Variants in PUM1 observed in about 807,000 individuals in gnomAD.
The protein encoded by PUM1 is pumilio RNA binding family member 1, also known as pumilio homolog 1.
In PUM1, 13 loss-of-function variants were observed where a neutral mutation model predicts 131.8. That is an observed-to-expected ratio of 0.10 (90% CI 0.06 to 0.16). The LOEUF (loss-of-function observed/expected upper bound fraction) is 0.16. PUM1 is among the 10% of genes least tolerant of loss of function. PUM1 has a pLI of 1.00. For missense variants in PUM1, 961 were observed against 1,512.4 expected (o/e 0.64, Z 6.05); for synonymous variants, 509 against 556.5 (o/e 0.91, Z 1.20).
chr1:31,012,552 TAAA>T lies in PUM1; in HGVS notation c.433-5453_433-5451del, dbSNP rs10666570. ...ATAAAATAAAAAAACTTATGAAAAG[TAAA>T]AAAAAAAAAAAAAAAAAAATTCAGT... On this transcript the variant is annotated intron_variant, in intron 3 of 21. Coordinates refer to ENST00000426105, the MANE Select transcript of PUM1 (RefSeq NM_001020658.2). Among the ~76,000 whole-genome samples, 665 of 119,146 alleles carry T rather than the reference TAAA, an allele frequency of 5.6e-3. 4 individuals carry two copies. Among genetic ancestry groups the T allele is most frequent in the African/African-American group, 0.019 (630 of 32,364 alleles). The allele number at this position is 119,146 out of a possible 152,430, so 78.2% of individuals were successfully genotyped here.
intron 2 of PUM1, among the ~76,000 whole-genome samples, chr1:31,050,123 C>T (rs553348545): frequency 8.5e-5 from 13 of 152,162 alleles, no homozygotes; most frequent in African/African-American, 3.1e-4. Flanking sequence ...GAGCCAATTG[C>T]AACCAGCCGA....
rs569079813 is a variant in PUM1 at position 30,977,222 on chromosome 1, C to T, written c.1355-2420G>A. The stretch of plus-strand genomic sequence containing the variant: ...ATGTGCCTGTGGTTTTGACTATGAC[C>T]CATCACATGAGATCAAGGTCAAGTG... On this transcript the variant is annotated intron_variant, in intron 9 of 21. Transcript: ENST00000426105. Among the ~76,000 whole-genome samples the T allele has an allele frequency of 1.1e-3, 168 of 152,220 alleles. 2 individuals are homozygous for T. The South Asian group carries it at 0.027, about 24-fold the overall frequency.
At chr1:30,955,135 C>T (rs1640101907) in intron 14 of PUM1, among the ~76,000 whole-genome samples, 2 of 151,446 alleles carry the variant, frequency 1.3e-5, no homozygotes, top group Admixed American at 6.6e-5. Flanking sequence ...AGTATAGCAG[C>T]ATAATAAATT....
At chr1:30,978,183 A>C (rs1276284854) in intron 9 of PUM1, among the ~76,000 whole-genome samples, 1 of 152,174 alleles carries the variant, frequency 6.6e-6, no homozygotes, top group East Asian at 1.9e-4. Context: ...CAAGAGGCAG[A>C]GACTGCAGTG....
rs560030696 is a variant in PUM1 at position 30,968,247 on chromosome 1, T to C, written c.1645+107A>G. 4.0e-6 allele frequency: 6 copies of C among 1,496,330 alleles called. No individual in the cohort carries two copies. In the South Asian group the frequency reaches 5.7e-5, roughly 14 times the overall value. The allele number at this position is 1,496,330 out of a possible 1,614,324, so 92.7% of individuals were successfully genotyped here. A position where few individuals can be genotyped will look rare whatever the true frequency, so the allele number is the denominator to read the frequency against. ...ATCATCCTTGCCAGTCCCCAAATCA[T>C]GACAAGCCTAAGCAAGGTGAAAGCA... is the stretch of plus-strand genomic sequence containing the variant. On this transcript the variant is annotated intron_variant, in intron 11 of 21. Transcript: ENST00000426105.
intron 21 of PUM1, among the ~76,000 whole-genome samples, chr1:30,934,231 G>A (rs993056258): frequency 1.4e-4 from 22 of 152,154 alleles, no homozygotes; most frequent in Non-Finnish European, 1.3e-4. Context: ...AGCTCAGGGA[G>A]CATTCTACAT....
intron 1 of PUM1, among the ~76,000 whole-genome samples, chr1:31,063,813 G>C (rs1035316306): frequency 6.6e-6 from 1 of 152,152 alleles, no homozygotes; most frequent in African/African-American, 2.4e-5. Flanking sequence ...TTTACCTAAA[G>C]AGGCAAGGCA....
chr1:30,963,518 C>G (rs894636671), intron 14 of PUM1, among the ~76,000 whole-genome samples: 1 of 152,148 alleles, frequency 6.6e-6, no homozygotes, highest in Non-Finnish European at 1.5e-5. Flanking sequence ...ACTTGAAACT[C>G]GCCTCTTTCA....
At chr1:31,047,157 C>A (rs6425698) in intron 2 of PUM1, among the ~76,000 whole-genome samples, 43,014 of 151,990 alleles carry the variant, frequency 0.28, 6,572 homozygotes, top group Non-Finnish European at 0.34. Context: ...CCATTGCACT[C>A]CAGCCTAGGC....
rs765462918 is a variant in PUM1, at chr1:31,042,661, G to A, written c.364-13797C>T. ...AAAATACAAAATGGACAAGAGCAAA[G>A]CATACTACCTGTAATCTCTCCATGC... is the stretch of plus-strand genomic sequence containing the variant. On this transcript the variant is annotated intron_variant, in intron 2 of 21. Coordinates refer to ENST00000426105, the MANE Select transcript of PUM1 (RefSeq NM_001020658.2). Among the ~76,000 whole-genome samples, 63 of 152,144 alleles carry A rather than the reference G, an allele frequency of 4.1e-4. 1 individual carries two copies. The highest frequency in any genetic ancestry group is 2.0e-3 in the Admixed American group (31 of 15,250).
intron 4 of PUM1, 37 bp downstream of exon 4, chr1:31,006,957 G>A (rs1033126125): frequency 2.0e-6 from 3 of 1,503,098 alleles, no homozygotes; most frequent in South Asian, 1.2e-5. Flanking sequence ...CTCTAAGACA[G>A]GCATAAATCA....
At chr1:30,933,439 TACACACACACACACACACACACACACAC>T (rs58664754) in intron 21 of PUM1, 97 bp from the exon 22 acceptor site, 89 of 363,896 alleles carry the variant, frequency 2.4e-4, no homozygotes, top group Non-Finnish European at 3.9e-4. Flanking sequence ...CACACACACA[TACACACACACACACACACACACACACAC>T]ACACACACAC....
At position 30,936,686 on chromosome 1, in the gene PUM1, A is replaced by G; in HGVS notation, c.3392T>C (p.Ile1131Thr). ...QYANYVVQKM[I>T]DVAEPGQRKI... ...CCGCTGGCCTGGCTCCGCCACGTCA[A>G]TCATCTTCTGGACCACGTAGTTGGC... Residue 1131 changes from isoleucine to threonine, a missense_variant, in exon 21 of 22, where the codon ATT (isoleucine) becomes ACT (threonine). By Grantham distance (89) the Ile-to-Thr change is moderately conservative (BLOSUM62 -1). Around this residue, in one of 4 missense-constraint regions of PUM1, gnomAD observed 178 missense variants for 327.5 expected, o/e 0.54. Transcript: ENST00000426105. 6.2e-7 allele frequency: 1 copy of G among 1,614,128 alleles called. No homozygotes were observed.
intron 1 of PUM1, 142 bp from the exon 2 acceptor site, chr1:31,059,719 G>T (rs1644325933): frequency 2.1e-6 from 2 of 931,408 alleles, no homozygotes; most frequent in Admixed American, 2.9e-5. Context: ...ATTGGGATCA[G>T]AACTCAATAC....
chr1:31,041,372 C>A, intron 2 of PUM1, among the ~76,000 whole-genome samples: 1 of 149,768 alleles, frequency 6.7e-6, no homozygotes, highest in Non-Finnish European at 1.5e-5. Context: ...CCATCACGGC[C>A]AGTCAAAAAG....
At chr1:30,948,385 G>C (rs1335945142) in intron 17 of PUM1, among the ~76,000 whole-genome samples, 1 of 151,934 alleles carries the variant, frequency 6.6e-6, no homozygotes, top group African/African-American at 2.4e-5. Flanking sequence ...AATAATAAAG[G>C]GTAGGAAGCA....
At chr1:31,055,741 A>G (rs1644221422) in intron 2 of PUM1, among the ~76,000 whole-genome samples, 2 of 152,188 alleles carry the variant, frequency 1.3e-5, no homozygotes, top group Admixed American at 1.3e-4. Flanking sequence ...TCAGTGTAAG[A>G]CAGAGGCCTG....
At chr1:30,988,781 G>T (rs547521789) in intron 7 of PUM1, among the ~76,000 whole-genome samples, 2 of 152,250 alleles carry the variant, frequency 1.3e-5, no homozygotes, top group Non-Finnish European at 1.5e-5. Context: ...CCATACCTCT[G>T]CTCTGACCTG....
chr1:30,958,243 T>C lies in PUM1; in HGVS notation c.2324-4262A>G, dbSNP rs1640252746. Among the ~76,000 whole-genome samples, 3 of 152,222 alleles carry C rather than the reference T, an allele frequency of 2.0e-5. No individual in the cohort carries two copies. In the South Asian group the frequency reaches 6.2e-4, roughly 31 times the overall value. On this transcript the variant is annotated intron_variant, in intron 14 of 21. Transcript: ENST00000426105. ...AGAATACATTTTGAGAAGATAATAC[T>C]TCTATCACAATAATAAAACTAAATG...
Sources: allele counts gnomAD v4.1 joint callset (sites outside exome capture counted in the v4.1 genomes callset), GRCh38; gene constraint gnomAD v4.1.1; regional missense constraint gnomAD v4.1.1; transcripts MANE v1.5; gene names NCBI Gene and HGNC (gene_info 2026-07-23, HGNC 2026-07-21).